The following EIPR1 variants were observed in gnomAD, a reference collection of about 807,000 sequenced individuals.
EIPR1 encodes EARP complex and GARP complex interacting protein 1.
Under a neutral mutation model 48.1 loss-of-function variants are expected in EIPR1, and 25 were observed. The ratio of observed to expected loss-of-function variants is 0.52; its 90% CI spans 0.38 to 0.73. The LOEUF is 0.73. EIPR1 is among the 30% of genes least tolerant of loss of function. EIPR1 has a pLI of 0.00. For missense variants in EIPR1, 415 were observed against 506.2 expected (o/e 0.82, Z 1.73); for synonymous variants, 204 against 201.9 (o/e 1.01, Z -0.09).
chr2:3,298,443 T>C (rs2103289489), intron 3 of EIPR1: 1 of 152,276 alleles, frequency 6.6e-6, no homozygotes, highest in South Asian at 2.1e-4. Flanking sequence ...TGGACCCATC[T>C]TGTCTGTCGT....
At chr2:3,325,588 A>G (rs1422365134) in intron 3 of EIPR1, among the ~76,000 whole-genome samples, 1 of 152,132 alleles carries the variant, frequency 6.6e-6, no homozygotes, top group Non-Finnish European at 1.5e-5. Flanking sequence ...CCTTGTCTTC[A>G]GGGAGCCACA....
intron 2 of EIPR1, among the ~76,000 whole-genome samples, chr2:3,343,003 T>A (rs981025692): frequency 6.6e-6 from 1 of 152,248 alleles, no homozygotes; most frequent in African/African-American, 2.4e-5. Flanking sequence ...TTTATACACT[T>A]GAGTGCCTTA....
At chr2:3,196,650 T>C (rs1313197806) in intron 6 of EIPR1, among the ~76,000 whole-genome samples, 2 of 152,004 alleles carry the variant, frequency 1.3e-5, no homozygotes, top group Admixed American at 1.3e-4. Flanking sequence ...GAGATATCAA[T>C]ATGGAACATT....
At chr2:3,198,981 A>G (rs1294842334) in intron 5 of EIPR1, among the ~76,000 whole-genome samples, 5 of 139,562 alleles carry the variant, frequency 3.6e-5, no homozygotes, top group Non-Finnish European at 6.2e-5. Flanking sequence ...GCCTGGGGGC[A>G]CTGCAGGAGG....
intron 4 of EIPR1, among the ~76,000 whole-genome samples, chr2:3,222,083 T>C (rs1210580641): frequency 6.6e-6 from 1 of 152,176 alleles, no homozygotes; most frequent in Non-Finnish European, 1.5e-5. Flanking sequence ...AATCAAACAT[T>C]TGCCTCTACA....
chr2:3,354,370 C>A (rs528296834), intron 2 of EIPR1, among the ~76,000 whole-genome samples, 180 bp downstream of exon 2: 24 of 152,258 alleles, frequency 1.6e-4, no homozygotes, highest in African/African-American at 5.3e-4. Context: ...TGAACACAGT[C>A]GATACATATA....
chr2:3,267,789 G>C (rs1479970634), intron 3 of EIPR1, among the ~76,000 whole-genome samples: 2 of 152,190 alleles, frequency 1.3e-5, no homozygotes, highest in Admixed American at 1.3e-4. Flanking sequence ...GGACATAAAA[G>C]GACACAGAGA....
chr2:3,320,380 C>G (rs940727874), intron 3 of EIPR1: 7 of 163,906 alleles, frequency 4.3e-5, no homozygotes, highest in Admixed American at 1.3e-4. Flanking sequence ...AGGAAAACAC[C>G]ACACCTGCGG....
chr2:3,289,823 C>A lies in EIPR1; in HGVS notation c.260-32368G>T, dbSNP rs555797419. 2.0e-5 allele frequency among the ~76,000 whole-genome samples: 3 copies of A among 152,342 alleles called. 1 individual carries two copies. Among genetic ancestry groups the A allele is most frequent in the Admixed American group, 2.0e-4 (3 of 15,314 alleles). ...TCCTTCCCGGGGCTTCCCGTCTCAA[C>A]AGACAGCATCAGTGCTACATGCTTG... On this transcript the variant is annotated intron_variant, in intron 3 of 8. Coordinates refer to ENST00000382125, the MANE Select transcript of EIPR1 (RefSeq NM_003310.5).
rs1266494378 is a variant in EIPR1, at chr2:3,199,068, C to CT, written c.517-2052_517-2051insA. 1.3e-4 allele frequency among the ~76,000 whole-genome samples: 7 copies of CT among 52,456 alleles called. 3 individuals are homozygous for CT. The highest frequency in any genetic ancestry group is 2.8e-4 in the Admixed American group (2 of 7,152). The allele number at this position is 52,456 out of a possible 152,430, so 34.4% of individuals were successfully genotyped here. ...GAGTGGCCATTTTAGAGGGCCCCCC[C>CT]CCCGCCCCGGGAATGCATTCTTTTC... is the stretch of plus-strand genomic sequence containing the variant. On this transcript the variant is annotated intron_variant, in intron 5 of 8. Transcript: ENST00000382125.
intron 4 of EIPR1, among the ~76,000 whole-genome samples, chr2:3,236,230 T>TG (rs1666402311): frequency 2.0e-5 from 3 of 150,680 alleles, no homozygotes; most frequent in Non-Finnish European, 4.4e-5. Context: ...CAAGAATATG[T>TG]GGGAAAAAGC....
chr2:3,310,203 C>T (rs973809260), intron 3 of EIPR1, among the ~76,000 whole-genome samples: 8 of 152,078 alleles, frequency 5.3e-5, no homozygotes, highest in African/African-American at 1.9e-4. Flanking sequence ...CCACAGTCAC[C>T]CAAGATTGAC....
At chr2:3,218,294 A>G (rs1295298634) in intron 4 of EIPR1, among the ~76,000 whole-genome samples, 1 of 141,326 alleles carries the variant, frequency 7.1e-6, no homozygotes, top group African/African-American at 2.7e-5. Context: ...CACGGCCCTG[A>G]TACACTCTAG....
intron 3 of EIPR1, among the ~76,000 whole-genome samples, chr2:3,290,109 T>C (rs1230231372): frequency 6.6e-6 from 1 of 152,206 alleles, no homozygotes; most frequent in Non-Finnish European, 1.5e-5. Context: ...CTGTCCCCCA[T>C]CAAGCCTGCA....
intron 1 of EIPR1, among the ~76,000 whole-genome samples, chr2:3,360,404 CAAAA>C (rs1386156001): frequency 3.1e-5 from 4 of 127,338 alleles, no homozygotes; most frequent in African/African-American, 8.8e-5. Flanking sequence ...GACTCCATCT[CAAAA>C]AAAAAAAAAA....
chr2:3,269,613 ATCACAATCATCGCACT>A, intron 3 of EIPR1, among the ~76,000 whole-genome samples: 4 of 118,596 alleles, frequency 3.4e-5, no homozygotes, highest in Non-Finnish European at 1.8e-5. Flanking sequence ...GCACTCAATC[ATCACAATCATCGCACT>A]CAATCATCAC....
intron 5 of EIPR1, among the ~76,000 whole-genome samples, chr2:3,201,858 G>C (rs1233920390): frequency 6.6e-6 from 1 of 152,110 alleles, no homozygotes; most frequent in Non-Finnish European, 1.5e-5. Context: ...AGAAACACAG[G>C]GTGAGCTAAT....
chr2:3,336,774 AAAAGGAAAAGAAAAGG>A (rs1413973260), intron 3 of EIPR1, among the ~76,000 whole-genome samples: 18 of 151,362 alleles, frequency 1.2e-4, no homozygotes, highest in African/African-American at 2.2e-4. Context: ...TCAAGAAAAG[AAAAGGAAAAGAAAAGG>A]AAAGGAAAAG....
chr2:3,308,791 G>C (rs913365355), intron 3 of EIPR1, among the ~76,000 whole-genome samples: 1 of 152,186 alleles, frequency 6.6e-6, no homozygotes, highest in East Asian at 1.9e-4. Context: ...GGATCACCAA[G>C]TTCTCACCCG....
Sources: allele counts gnomAD v4.1 joint callset (sites outside exome capture counted in the v4.1 genomes callset), GRCh38; gene constraint gnomAD v4.1.1; transcripts MANE v1.5; gene names NCBI Gene and HGNC (gene_info 2026-07-23, HGNC 2026-07-21).